Variants in CCSER2 observed in about 807,000 individuals in gnomAD.
CCSER2 encodes coiled-coil serine rich protein 2.
A neutral mutation model predicts 92.3 loss-of-function variants in CCSER2; 46 were observed. That is an observed-to-expected ratio of 0.50 (90% CI 0.39 to 0.64). The LOEUF (loss-of-function observed/expected upper bound fraction) is 0.64, where lower values mean the gene tolerates loss of function less well. Among genes scored for constraint, CCSER2 ranks in the 30% least tolerant of loss-of-function variants. The pLI, the probability that CCSER2 is intolerant of heterozygous loss-of-function variation, is 0.00. For missense variants in CCSER2, 1,244 were observed against 1,238.9 expected, an observed-to-expected ratio of 1.00 and a Z score of -0.06; for synonymous variants, 433 against 431.4, an observed-to-expected ratio of 1.00 and a Z score of -0.04.
intron 6 of CCSER2, among the ~76,000 whole-genome samples, chr10:84,441,375 G>GT (rs376552550): frequency 2.3e-4 from 35 of 151,940 alleles, no homozygotes; most frequent in Non-Finnish European, 4.3e-4. Flanking sequence ...TCATTCAACT[G>GT]TTTTTTCAGG....
At chr10:84,436,031 AT>A (rs1235994173) in intron 5 of CCSER2, among the ~76,000 whole-genome samples, 1 of 152,092 alleles carries the variant, frequency 6.6e-6, no homozygotes, top group African/African-American at 2.4e-5. Context: ...TTAGGTATGA[AT>A]TAAGAAGTCA....
At chr10:84,372,920 T>A (rs1318391629) in intron 2 of CCSER2, among the ~76,000 whole-genome samples, 1 of 152,102 alleles carries the variant, frequency 6.6e-6, no homozygotes, top group Non-Finnish European at 1.5e-5. Flanking sequence ...CCTAGAAAAT[T>A]CTTCTTGTTT....
chr10:84,462,405 T>A (rs1359101356), intron 6 of CCSER2, among the ~76,000 whole-genome samples: 1 of 152,226 alleles, frequency 6.6e-6, no homozygotes, highest in Non-Finnish European at 1.5e-5. Flanking sequence ...AAGAAGACAT[T>A]TAGATATTTG....
chr10:84,436,149 AC>A lies in CCSER2; in HGVS notation c.1869-2358del, dbSNP rs375769621. On this transcript the variant is annotated intron_variant, in intron 5 of 9. Transcript: ENST00000372088. ...TCGAGACCACCCTGTGAATGGTGAA[AC>A]CCCCGTCTCTACTAAAAATACAAAA... Among the ~76,000 whole-genome samples the A allele has an allele frequency of 3.1e-4, 46 of 149,336 alleles. No homozygotes were observed. The East Asian group carries it at 4.5e-3, about 15-fold the overall frequency.
chr10:84,436,875 C>G (rs1844190658), intron 5 of CCSER2, among the ~76,000 whole-genome samples: 1 of 152,000 alleles, frequency 6.6e-6, no homozygotes, highest in South Asian at 2.1e-4. Flanking sequence ...TTTGAGAATT[C>G]AGAGATGTGG....
At chr10:84,400,869 G>A (rs1003635100) in intron 3 of CCSER2, among the ~76,000 whole-genome samples, 29 of 152,014 alleles carry the variant, frequency 1.9e-4, no homozygotes, top group African/African-American at 6.3e-4. Context: ...AGTGGAGATC[G>A]TGCCACTGCA....
intron 5 of CCSER2, among the ~76,000 whole-genome samples, chr10:84,429,253 T>A (rs1420732901): frequency 6.6e-6 from 1 of 152,096 alleles, no homozygotes. Flanking sequence ...ATTGCTAATT[T>A]AATTTTTATA....
Position 84,437,736 on chromosome 10 carries a change from G to A in CCSER2, c.1869-776G>A, listed in dbSNP as rs550034018. Among the ~76,000 whole-genome samples, 302 of 129,396 alleles carry A rather than the reference G, an allele frequency of 2.3e-3. 1 individual carries two copies. The highest frequency in any genetic ancestry group is 8.4e-3 in the African/African-American group (293 of 34,680). 84.9% of individuals were successfully genotyped at this position (129,396 alleles called of 152,430 possible). A position where few individuals can be genotyped will look rare whatever the true frequency, so the allele number is the denominator to read the frequency against. ...TTTTTTTTTTTTTTTTTTTTGAGAC[G>A]GAGTCTCACTCTGTTGCCCAGCTTG... is the stretch of plus-strand genomic sequence containing the variant. On this transcript the variant is annotated intron_variant, in intron 5 of 9. Transcript: ENST00000372088.
At chr10:84,502,367 CTTT>C (rs562377515) in intron 9 of CCSER2, among the ~76,000 whole-genome samples, 1 of 111,264 alleles carries the variant, frequency 9.0e-6, no homozygotes, top group African/African-American at 3.3e-5. Context: ...TTGATGACTT[CTTT>C]TTTTTTTTTT....
chr10:84,488,823 G>A (rs889984138), intron 9 of CCSER2, among the ~76,000 whole-genome samples: 1 of 152,048 alleles, frequency 6.6e-6, no homozygotes, highest in South Asian at 2.1e-4. Flanking sequence ...TCTTTTAATT[G>A]CGATGTTAGG....
At chr10:84,419,923 A>C (rs1176630841) in intron 4 of CCSER2, among the ~76,000 whole-genome samples, 1 of 152,230 alleles carries the variant, frequency 6.6e-6, no homozygotes, top group Non-Finnish European at 1.5e-5. Flanking sequence ...ATATTGTAGA[A>C]CACAGAGGAA....
chr10:84,440,189 A>G (rs1844440396), intron 6 of CCSER2, among the ~76,000 whole-genome samples: 1 of 152,166 alleles, frequency 6.6e-6, no homozygotes, highest in African/African-American at 2.4e-5. Context: ...TTCTTTGTGT[A>G]AAGTTGTAAA....
chr10:84,473,236 G>T (rs1846925818), intron 8 of CCSER2: 1 of 152,108 alleles, frequency 6.6e-6, no homozygotes, highest in Non-Finnish European at 1.5e-5. Flanking sequence ...TTTCTAGGTG[G>T]TGTGCCTAGT....
At chr10:84,460,256 A>ATTTT (rs57903884) in intron 6 of CCSER2, among the ~76,000 whole-genome samples, 7,364 of 125,524 alleles carry the variant, frequency 0.059, 292 homozygotes, top group East Asian at 0.14. Flanking sequence ...TGCCCGGCTG[A>ATTTT]TTTTTTTTTT....
chr10:84,393,811 A>G (rs1841667417), intron 3 of CCSER2: 1 of 152,350 alleles, frequency 6.6e-6, no homozygotes, highest in Non-Finnish European at 1.5e-5. Flanking sequence ...ATCACGTGTC[A>G]TAATAGCAAG....
chr10:84,387,864 T>C lies in CCSER2; in HGVS notation c.1614+14049T>C, dbSNP rs183193464. On this transcript the variant is annotated intron_variant, in intron 3 of 9. Coordinates refer to ENST00000372088, the MANE Select transcript of CCSER2 (RefSeq NM_001284240.2). ...ATTTTGAAGACAAGGACTGGACTTT[T>C]CTTTTCTTTTGTTTTTTTGAGACGG... Among the ~76,000 whole-genome samples, 31 of 152,016 alleles carry C rather than the reference T, an allele frequency of 2.0e-4. No homozygotes were observed. In the East Asian group the frequency reaches 5.8e-3, roughly 29 times the overall value.
chr10:84,407,506 T>G (rs1842437607), intron 3 of CCSER2, among the ~76,000 whole-genome samples: 1 of 152,218 alleles, frequency 6.6e-6, no homozygotes, highest in African/African-American at 2.4e-5. Flanking sequence ...CAGTTAACTT[T>G]CGTCCTGTAG....
At chr10:84,474,662 C>CAAAAAA (rs397844899) in intron 8 of CCSER2, among the ~76,000 whole-genome samples, 8 of 65,840 alleles carry the variant, frequency 1.2e-4, no homozygotes, top group South Asian at 5.8e-4. Flanking sequence ...GACTCCATCT[C>CAAAAAA]AAAAAAAAAA....
intron 9 of CCSER2, among the ~76,000 whole-genome samples, chr10:84,505,438 G>A (rs1339465308): frequency 6.6e-6 from 1 of 152,036 alleles, no homozygotes; most frequent in African/African-American, 2.4e-5. Flanking sequence ...TGCTCATAAT[G>A]TATAAATTAA....
Sources: gnomAD v4.1 joint callset for allele counts (sites outside exome capture counted in the v4.1 genomes callset) on GRCh38, gnomAD v4.1.1 for gene constraint, MANE v1.5 for transcripts, NCBI Gene and HGNC (gene_info 2026-07-23, HGNC 2026-07-21) for gene names.